The following DPP6 variants were observed in gnomAD, a reference collection of about 807,000 sequenced individuals.
DPP6 encodes dipeptidyl peptidase like 6, also known as A-type potassium channel modulatory protein DPP6.
A neutral mutation model predicts 122.6 loss-of-function variants in DPP6; 69 were observed. The observed-to-expected ratio is 0.56, with a 90% CI of 0.46 to 0.69. The LOEUF is 0.69. Among genes scored for constraint, DPP6 ranks in the 30% least tolerant of loss-of-function variants. The pLI is 0.00. For synonymous variants in DPP6, 418 were observed against 433.1 expected (o/e 0.97, Z 0.43); for missense variants, 928 against 1,116.9 (o/e 0.83, Z 2.41).
intron 1 of DPP6, among the ~76,000 whole-genome samples, chr7:154,339,366 T>G (rs1471504476): frequency 2.0e-5 from 3 of 152,086 alleles, no homozygotes; most frequent in Admixed American, 6.6e-5. Flanking sequence ...GAACGCGGAG[T>G]GGGAGGAGGC....
chr7:154,053,219 C>A (rs1405030915), intron 1 of DPP6, among the ~76,000 whole-genome samples, 156 bp downstream of exon 1: 2 of 63,190 alleles, frequency 3.2e-5, no homozygotes. Flanking sequence ...TCCGTGGCGC[C>A]AGATCGCGGT....
At chr7:153,928,333 T>TC (rs1263163001) in intron 1 of DPP6, among the ~76,000 whole-genome samples, 3 of 149,340 alleles carry the variant, frequency 2.0e-5, no homozygotes, top group African/African-American at 4.9e-5. Context: ...TGCCTTAGCC[T>TC]CCCAAGTAGC....
chr7:154,315,625 G>T (rs1807368576), intron 1 of DPP6, among the ~76,000 whole-genome samples: 1 of 152,134 alleles, frequency 6.6e-6, no homozygotes, highest in Non-Finnish European at 1.5e-5. Flanking sequence ...CCTCTGGGGG[G>T]CTGTGCTAGG....
chr7:153,934,081 G>A (rs1405737100), intron 1 of DPP6, among the ~76,000 whole-genome samples: 24 of 152,234 alleles, frequency 1.6e-4, no homozygotes, highest in Non-Finnish European at 7.3e-5. Context: ...CAGCCCTGCT[G>A]TAGGGTGACG....
chr7:154,157,853 A>G (rs1796764399), intron 1 of DPP6, among the ~76,000 whole-genome samples: 1 of 151,894 alleles, frequency 6.6e-6, no homozygotes, highest in Non-Finnish European at 1.5e-5. Flanking sequence ...GAATGGCTTG[A>G]ACCCGGGAGG....
chr7:154,177,441 G>A (rs1420723422), intron 1 of DPP6, among the ~76,000 whole-genome samples: 1 of 152,254 alleles, frequency 6.6e-6, no homozygotes. Context: ...TAAAATATGG[G>A]AGTCATAATA....
chr7:154,156,946 A>AT (rs1305008106), intron 1 of DPP6, among the ~76,000 whole-genome samples: 7 of 152,402 alleles, frequency 4.6e-5, no homozygotes, highest in South Asian at 2.1e-4. Flanking sequence ...TATTGGTGCT[A>AT]TTTTTTGTAC....
At chr7:154,411,507 C>T (rs928922924) in intron 1 of DPP6, among the ~76,000 whole-genome samples, 4 of 152,146 alleles carry the variant, frequency 2.6e-5, no homozygotes, top group African/African-American at 7.2e-5. Context: ...TCTCTAAGTG[C>T]GGAGATTACA....
At chr7:153,891,182 C>G (rs572705361) in intron 1 of DPP6, among the ~76,000 whole-genome samples, 1 of 151,228 alleles carries the variant, frequency 6.6e-6, no homozygotes. Context: ...CCACCATGCC[C>G]GGCTAATTTT....
intron 1 of DPP6, among the ~76,000 whole-genome samples, chr7:154,296,312 C>T (rs905692534): frequency 6.6e-6 from 1 of 152,166 alleles, no homozygotes; most frequent in African/African-American, 2.4e-5. Context: ...GATGGACACC[C>T]AGGTTGCCTC....
rs141941666 is a variant in DPP6 at position 154,481,069 on chromosome 7, C to A, written c.457+6032C>A. ...GGAGGGTTGGAGGGCTGGACTCAAG[C>A]CCAGCAGCAGCAGGAAGGACCGAGG... On this transcript the variant is annotated intron_variant, in intron 3 of 25. Transcript: ENST00000377770. This position sits in a 1 kb window ranked among gnomAD's most constrained non-coding sequence, Gnocchi z 4.2. Among the ~76,000 whole-genome samples, 674 of 152,126 alleles carry A rather than the reference C, an allele frequency of 4.4e-3. 8 individuals carry two copies. Among genetic ancestry groups the A allele is most frequent in the African/African-American group, 0.016 (648 of 41,504 alleles).
intron 6 of DPP6, among the ~76,000 whole-genome samples, chr7:154,668,369 C>T (rs560745872): frequency 1.2e-4 from 18 of 150,272 alleles, no homozygotes; most frequent in East Asian, 7.9e-4. Context: ...TACAGGCACC[C>T]GCCACCGCGC....
chr7:154,483,985 G>T lies in DPP6; in HGVS notation c.457+8948G>T, dbSNP rs575276365. On this transcript the variant is annotated intron_variant, in intron 3 of 25. Transcript: ENST00000377770. The surrounding 1 kb of genome is among the most constrained non-coding windows in gnomAD (Gnocchi z 8.1). ...TGGGATTACAGATGTGAGCCACCAC[G>T]CCCGGCCCAGGTTAAATTTTATTTA... 2.6e-4 allele frequency among the ~76,000 whole-genome samples: 40 copies of T among 152,236 alleles called. No individual in the cohort carries two copies. Among genetic ancestry groups the T allele is most frequent in the Non-Finnish European group, 4.3e-4 (29 of 68,014 alleles).
chr7:154,773,672 T>C (rs1394353452), intron 10 of DPP6, among the ~76,000 whole-genome samples: 1 of 152,190 alleles, frequency 6.6e-6, no homozygotes, highest in African/African-American at 2.4e-5. Context: ...TTCTGAAATT[T>C]CATGAATGGC....
At chr7:153,929,135 G>C (rs1483899989) in intron 1 of DPP6, among the ~76,000 whole-genome samples, 2 of 152,160 alleles carry the variant, frequency 1.3e-5, no homozygotes, top group Non-Finnish European at 2.9e-5. Context: ...TGTCTGCTGT[G>C]TTGGGAAGAG....
chr7:154,537,443 G>A (rs959051737), intron 3 of DPP6, among the ~76,000 whole-genome samples: 20 of 152,250 alleles, frequency 1.3e-4, no homozygotes, highest in African/African-American at 4.8e-4. Context: ...TTCACTATTG[G>A]TGCCTGTTAA....
intron 1 of DPP6, among the ~76,000 whole-genome samples, chr7:153,960,515 A>G (rs1795297024): frequency 1.3e-5 from 2 of 151,492 alleles, no homozygotes; most frequent in Admixed American, 6.6e-5. Flanking sequence ...GGAAGGTGAA[A>G]GCTGGAAAGA....
intron 4 of DPP6, among the ~76,000 whole-genome samples, chr7:154,541,551 G>A (rs758240080): frequency 2.0e-5 from 3 of 152,160 alleles, no homozygotes; most frequent in Non-Finnish European, 4.4e-5. Context: ...CATTTTGTTT[G>A]TTTACAAAAT....
At chr7:154,050,225 T>C (rs1055901882), upstream of DPP6, among the ~76,000 whole-genome samples, 1 of 151,970 alleles carries the variant, frequency 6.6e-6, no homozygotes, top group Non-Finnish European at 1.5e-5. Flanking sequence ...TTATCATATT[T>C]TCTTAGATAA....
Sources: gnomAD v4.1 joint callset for allele counts (sites outside exome capture counted in the v4.1 genomes callset) on GRCh38, gnomAD v4.1.1 for gene constraint, Gnocchi (gnomAD v3.1) non-coding constraint, MANE v1.5 for transcripts, NCBI Gene and HGNC (gene_info 2026-07-23, HGNC 2026-07-21) for gene names.